The following IFI16 variants were observed in gnomAD, a reference collection of about 807,000 sequenced individuals.
IFI16 encodes the protein interferon gamma inducible protein 16.
Under a neutral mutation model 68.4 loss-of-function variants are expected in IFI16, and 49 were observed. That is an observed-to-expected ratio of 0.72 (90% CI 0.57 to 0.91). The LOEUF (loss-of-function observed/expected upper bound fraction) is 0.91. Ranked by LOEUF, IFI16 falls within the 40% of genes least tolerant of loss-of-function variation. The probability of loss-of-function intolerance (pLI) is 0.00; values close to 1 mark genes in which losing one functional copy is unlikely to be tolerated. For synonymous variants in IFI16, 307 were observed against 315.0 expected, an observed-to-expected ratio of 0.97 and a Z score of 0.27; for missense variants, 878 against 942.9, an observed-to-expected ratio of 0.93 and a Z score of 0.90.
Position 159,016,672 on chromosome 1 carries a change from C to G in IFI16, c.521C>G (p.Ser174Ter). The change falls in exon 4 of 12, where the codon TCA becomes TGA. Residue 174 changes from serine to a stop codon, truncating the protein, a stop_gained. Coordinates refer to ENST00000295809, the MANE Select transcript of IFI16 (RefSeq NM_001376587.1). LOFTEE classifies it high-confidence loss of function. ...TCCCCATCTCCCAAGACCTCATTGT[C>G]AGCTCCACCCAACAGTTCTTCAACT... The part of the protein sequence containing the change: ...GRSPSPKTSL[S>*]APPNSSSTEN... The G allele has an allele frequency of 1.2e-6, 2 of 1,614,014 alleles. No individual in the cohort carries two copies. The highest frequency in any genetic ancestry group is 1.7e-6 in the Non-Finnish European group (2 of 1,179,956).
rs763002409 is a variant in IFI16 at position 159,054,922 on chromosome 1, T to C, written c.*21T>C. The C allele has an allele frequency of 7.0e-7, 1 of 1,427,400 alleles. No individual in the cohort carries two copies. Among genetic ancestry groups the C allele is most frequent in the South Asian group, 1.2e-5 (1 of 85,262 alleles). 88.4% of individuals were successfully genotyped at this position (1,427,400 alleles called of 1,614,324 possible). On this transcript the variant is annotated 3_prime_UTR_variant, in exon 12 of 12. Transcript: ENST00000295809. ...TCTAAAATCTGGATGTCATTGACGATAATGTTTATGGAGATAAGGTCTAAG... is the reference window on the plus strand; with the variant it reads ...TCTAAAATCTGGATGTCATTGACGACAATGTTTATGGAGATAAGGTCTAAG...
chr1:159,022,836 TGGGG>T (rs1334278798), intron 6 of IFI16, among the ~76,000 whole-genome samples: 8 of 152,348 alleles, frequency 5.3e-5, no homozygotes, highest in African/African-American at 1.9e-4. Flanking sequence ...TCTAATTAGA[TGGGG>T]AGGAAAGTTT....
At chr1:159,022,367 A>G (rs1653391143) in intron 6 of IFI16, among the ~76,000 whole-genome samples, 2 of 152,174 alleles carry the variant, frequency 1.3e-5, no homozygotes, top group Non-Finnish European at 2.9e-5. Context: ...CAGCAAGGCC[A>G]TTTTTATACT....
chr1:159,020,632 G>A (rs1012822711), intron 6 of IFI16, 103 bp downstream of exon 6: 1 of 699,956 alleles, frequency 1.4e-6, no homozygotes, highest in South Asian at 2.2e-5. Flanking sequence ...AGTTCAGCGG[G>A]AGGCATGAGA....
chr1:159,020,379 GGAT>G lies in IFI16; in HGVS notation c.1015_1017del (p.Asp339del). 1 of 1,612,060 alleles carries G rather than the reference GGAT, an allele frequency of 6.2e-7. No homozygotes were observed. The highest frequency in any genetic ancestry group is 8.5e-7 in the Non-Finnish European group (1 of 1,179,010). On this transcript the variant is annotated inframe_deletion, in exon 6 of 12. Coordinates refer to ENST00000295809, the MANE Select transcript of IFI16 (RefSeq NM_001376587.1). ...AGAAGACCACAATCTACGAAATTCAGGATGATAGAGGAAAAATGGATGTAGTGG... is the reference window on the plus strand; with the variant it reads ...AGAAGACCACAATCTACGAAATTCAGGATAGAGGAAAAATGGATGTAGTGG...
intron 7 of IFI16, among the ~76,000 whole-genome samples, chr1:159,034,573 G>A (rs1196555934): frequency 3.3e-5 from 5 of 152,084 alleles, no homozygotes; most frequent in African/African-American, 9.7e-5. Flanking sequence ...GAGAAGCTTT[G>A]ACATATAGAT....
upstream of IFI16, chr1:159,009,000 T>G (rs1652382744): frequency 6.6e-6 from 1 of 152,210 alleles, no homozygotes; most frequent in African/African-American, 2.4e-5. Context: ...TGCCATTTAT[T>G]TGACATCCTG....
chr1:159,054,705 G>A, intron 11 of IFI16, 116 bp from the exon 12 acceptor site: 2 of 561,016 alleles, frequency 3.6e-6, no homozygotes, highest in Middle Eastern at 2.8e-4. Context: ...GAATCATTTA[G>A]AAAGGAATAG....
intron 9 of IFI16, among the ~76,000 whole-genome samples, chr1:159,050,453 C>T (rs1025321802): frequency 6.6e-6 from 1 of 152,140 alleles, no homozygotes; most frequent in African/African-American, 2.4e-5. Flanking sequence ...TACTGATTAA[C>T]TTCATTGGGA....
rs753117152 is a variant in IFI16, at chr1:159,018,671, TC to T, written c.972+21del. The T allele has an allele frequency of 1.3e-6, 2 of 1,541,360 alleles. No individual in the cohort carries two copies. Among genetic ancestry groups the T allele is most frequent in the South Asian group, 2.4e-5 (2 of 83,308 alleles). On this transcript the variant is annotated intron_variant, in intron 5 of 11. Transcript: ENST00000295809. ...CATAAGGTAAGTCCTCAAAATTGTTTCGTTTCATTTTTCCACCAACACCTGA... is the reference window on the plus strand; with the variant it reads ...CATAAGGTAAGTCCTCAAAATTGTTTGTTTCATTTTTCCACCAACACCTGA...
Position 159,020,420 on chromosome 1 carries a change from G to A in IFI16, c.1052G>A (p.Cys351Tyr). Residue 351 changes from cysteine to tyrosine, a missense_variant, in exon 6 of 12, where the codon TGT becomes TAT. By Grantham distance (194) the Cys-to-Tyr change is radical (BLOSUM62 -2). Around this residue, in one of 4 missense-constraint regions of IFI16, gnomAD observed 443 missense variants for 421.8 expected, o/e 1.05. Coordinates refer to ENST00000295809, the MANE Select transcript of IFI16 (RefSeq NM_001376587.1). ...GKMDVVGTGQ[C>Y]HNIPCEEGDK... ...ATGGATGTAGTGGGGACAGGACAAT[G>A]TCACAATATCCCCTGTGAAGAAGGA... The A allele has an allele frequency of 1.2e-6, 2 of 1,612,208 alleles. No individual in the cohort carries two copies. The highest frequency in any genetic ancestry group is 1.7e-6 in the Non-Finnish European group (2 of 1,178,346).
intron 2 of IFI16, 51 bp from the exon 3 acceptor site, chr1:159,015,821 A>C: frequency 7.5e-7 from 1 of 1,339,236 alleles, no homozygotes. Context: ...GATCGTTTAT[A>C]TGTCTTCCTT....
At chr1:159,026,391 C>G (rs1101992) in intron 6 of IFI16, among the ~76,000 whole-genome samples, 1 of 151,442 alleles carries the variant, frequency 6.6e-6, no homozygotes, top group South Asian at 2.1e-4. Flanking sequence ...CTCTGTCTCC[C>G]GGGTTCAAGC....
upstream of IFI16, among the ~76,000 whole-genome samples, chr1:159,007,252 T>G (rs1321047841): frequency 1.3e-5 from 2 of 152,230 alleles, no homozygotes; most frequent in African/African-American, 4.8e-5. Flanking sequence ...AATCAGATTC[T>G]GTGTCTTAAC....
At chr1:159,004,335 C>T (rs895358339), upstream of IFI16, among the ~76,000 whole-genome samples, 8 of 151,684 alleles carry the variant, frequency 5.3e-5, no homozygotes, top group East Asian at 1.9e-4. Context: ...GTTAAGAAAT[C>T]TAAATTTCAG....
chr1:159,054,856 C>G lies in IFI16; in HGVS notation c.2313C>G (p.Leu771=). 3.1e-6 allele frequency: 5 copies of G among 1,604,662 alleles called. No homozygotes were observed. The highest frequency in any genetic ancestry group is 4.3e-6 in the Non-Finnish European group (5 of 1,173,066). ...IKTRKNKKDI[L]NPDSSMETSP... is the part of the protein sequence containing the mutation. Reference sequence around the variant, plus strand: ...CCAGGAAAAACAAGAAAGACATACTCAATCCTGATTCAAGTATGGAAACTT... The same window carrying G: ...CCAGGAAAAACAAGAAAGACATACTGAATCCTGATTCAAGTATGGAAACTT... Residue 771 remains leucine (L), a synonymous_variant, in exon 12 of 12, where the codon CTC becomes CTG. Transcript: ENST00000295809.
At chr1:159,025,424 G>A (rs555206159) in intron 6 of IFI16, among the ~76,000 whole-genome samples, 118 of 152,138 alleles carry the variant, frequency 7.8e-4, no homozygotes, top group African/African-American at 2.7e-3. Flanking sequence ...TGCTATTAAT[G>A]TTAAATTTAA....
chr1:159,049,766 A>G (rs1045931923), intron 9 of IFI16, among the ~76,000 whole-genome samples, 167 bp downstream of exon 9: 4 of 152,244 alleles, frequency 2.6e-5, no homozygotes, highest in African/African-American at 9.6e-5. Context: ...ATCCAAAATT[A>G]AAATTCTGTT....
At position 159,015,980 on chromosome 1, in the gene IFI16, G is replaced by A. The variant is rs777009420; in HGVS notation, c.374G>A (p.Gly125Glu). The part of the protein sequence containing the change: ...VKTEGAEATP[G>E]AQKRKKSTKE... ...ACTGAAGGAGCAGAGGCAACTCCTG[G>A]AGCTCAGGTAAGCTTCAGGAAGAGG... Residue 125 changes from glycine to glutamate, a missense_variant, in exon 3 of 12, where the codon GGA (glycine) becomes GAA (glutamate). By Grantham distance (98) the Gly-to-Glu change is moderately conservative (BLOSUM62 -2). This residue lies in a region of IFI16 where 443 missense variants were observed against 421.8 expected (regional missense o/e 1.05). Coordinates refer to ENST00000295809, the MANE Select transcript of IFI16 (RefSeq NM_001376587.1). 15 of 1,609,704 alleles carry A rather than the reference G, an allele frequency of 9.3e-6. 1 individual carries two copies. In the South Asian group the frequency reaches 1.5e-4, roughly 17 times the overall value.
Sources: gnomAD v4.1 joint callset for allele counts (sites outside exome capture counted in the v4.1 genomes callset) on GRCh38, gnomAD v4.1.1 for gene constraint, gnomAD v4.1.1 regional missense constraint, MANE v1.5 for transcripts, NCBI Gene and HGNC (gene_info 2026-07-23, HGNC 2026-07-21) for gene names.